CREG2: variants seen among roughly 807,000 people sequenced by gnomAD.
The protein encoded by CREG2 is cellular repressor of E1A stimulated genes 2, also known as protein CREG2.
CREG2 carries 24 observed loss-of-function variants against 26.2 expected under a neutral mutation model. The observed-to-expected ratio is 0.92, with a 90% CI of 0.66 to 1.29. CREG2 has a LOEUF of 1.29. Ranked by LOEUF, CREG2 falls within the 50% of genes most tolerant of loss-of-function variation. The pLI, the probability that CREG2 is intolerant of heterozygous loss-of-function variation, is 0.00. For synonymous variants in CREG2, 174 were observed against 169.2 expected, an observed-to-expected ratio of 1.03 and a Z score of -0.22; for missense variants, 366 against 398.6, an observed-to-expected ratio of 0.92 and a Z score of 0.70.
chr2:101,361,374 A>T (rs1040574459), intron 2 of CREG2, among the ~76,000 whole-genome samples: 4 of 152,144 alleles, frequency 2.6e-5, no homozygotes, highest in Non-Finnish European at 5.9e-5. Flanking sequence ...CTGATTTTGG[A>T]TGGGAAGATC....
At chr2:101,365,150 G>A (rs1455588990) in intron 2 of CREG2, among the ~76,000 whole-genome samples, 3 of 152,198 alleles carry the variant, frequency 2.0e-5, no homozygotes, top group South Asian at 4.1e-4. Context: ...AAAATGGTGA[G>A]GCCTGCAGCT....
chr2:101,350,739 A>C lies in CREG2; in HGVS notation c.*184T>G. On this transcript the variant is annotated 3_prime_UTR_variant, in exon 4 of 4. Transcript: ENST00000324768. Reference sequence around the variant, plus strand: ...GTATCTGTGTGAGTTGGAGATCTGCAAATGACCACTTTAATCTCAAATCTA... The same window carrying C: ...GTATCTGTGTGAGTTGGAGATCTGCCAATGACCACTTTAATCTCAAATCTA... The C allele has an allele frequency of 1.6e-6, 1 of 610,196 alleles. No homozygotes were observed. Among genetic ancestry groups the C allele is most frequent in the South Asian group, 2.2e-5 (1 of 46,024 alleles). 37.8% of individuals were successfully genotyped at this position (610,196 alleles called of 1,614,324 possible). A position where few individuals can be genotyped will look rare whatever the true frequency, so the allele number is the denominator to read the frequency against.
chr2:101,366,039 T>G (rs1684612311), intron 2 of CREG2, among the ~76,000 whole-genome samples: 2 of 152,242 alleles, frequency 1.3e-5, no homozygotes, highest in African/African-American at 2.4e-5. Context: ...TATTCCATCT[T>G]GTCTATGAGA....
chr2:101,376,597 G>A (rs567626148), intron 2 of CREG2, among the ~76,000 whole-genome samples: 1 of 152,058 alleles, frequency 6.6e-6, no homozygotes, highest in Non-Finnish European at 1.5e-5. Flanking sequence ...TAATCTTTGA[G>A]GAAAAAGGTT....
chr2:101,387,088 C>T lies in CREG2; in HGVS notation c.370G>A (p.Ala124Thr). The T allele has an allele frequency of 1.6e-6, 2 of 1,233,780 alleles. No individual in the cohort carries two copies. The highest frequency in any genetic ancestry group is 2.0e-6 in the Non-Finnish European group (2 of 989,626). 76.4% of individuals were successfully genotyped at this position (1,233,780 alleles called of 1,614,324 possible). A position where few individuals can be genotyped will look rare whatever the true frequency, so the allele number is the denominator to read the frequency against. The stretch of plus-strand genomic sequence containing the variant: ...TGGGCCAGGGAGCGGGCGGTGGCGG[C>T]GCGCAGTCTAGGGCCCGGGGGCGCA... ...ASAPPGPRLR[A>T]ATARSLAHAS... Residue 124 changes from alanine to threonine, a missense_variant, in exon 1 of 4, where the codon GCC (alanine) becomes ACC (threonine). Physicochemically the swap from Ala to Thr is moderately conservative, Grantham distance 58. This residue lies in a region of CREG2 where 15 missense variants were observed against 37.2 expected (regional missense o/e 0.40). Transcript: ENST00000324768. This position sits in a 1 kb window ranked among gnomAD's most constrained non-coding sequence, Gnocchi z 4.7.
rs760353225 is a variant in CREG2 at position 101,383,602 on chromosome 2, A to G, written c.542T>C (p.Val181Ala). ...GGGGTTCTTCATCAGATCAGCCACC[A>G]CGGGGTCCTTGGCTGTCATGTAGAA... Reference protein sequence around the residue: ...PFFYMTAKDPVVADLMKNPMA... With the variant: ...PFFYMTAKDPAVADLMKNPMA... Residue 181 changes from valine (V) to alanine (A), a missense_variant, in exon 2 of 4, where the codon GTG (valine) becomes GCG (alanine). Physicochemically the swap from Val to Ala is moderately conservative, Grantham distance 64. Coordinates refer to ENST00000324768, the MANE Select transcript of CREG2 (RefSeq NM_153836.4). 1 of 1,614,160 alleles carries G rather than the reference A, an allele frequency of 6.2e-7. No homozygotes were observed. The highest frequency in any genetic ancestry group is 8.5e-7 in the Non-Finnish European group (1 of 1,180,028).
rs971259356 is a variant in CREG2 at position 101,347,430 on chromosome 2, C to T, written c.*3493G>A. 1 of 152,140 alleles carries T rather than the reference C, an allele frequency of 6.6e-6. No homozygotes were observed. The allele number at this position is 152,140 out of a possible 1,614,324, so 9.4% of individuals were successfully genotyped here. On this transcript the variant is annotated 3_prime_UTR_variant, in exon 4 of 4. Transcript: ENST00000324768. ...GAGTGGCTGTTCCATTTTCTATTCC[C>T]ACCACTAGTGTATGACTGACCCGGT...
intron 1 of CREG2, among the ~76,000 whole-genome samples, chr2:101,385,722 A>G (rs1684959094): frequency 6.6e-6 from 1 of 152,256 alleles, no homozygotes; most frequent in Non-Finnish European, 1.5e-5. Context: ...TTGTTCATAT[A>G]TCCCATTTTT....
intron 2 of CREG2, 110 bp from the exon 3 acceptor site, chr2:101,355,476 T>C: frequency 1.5e-6 from 1 of 684,242 alleles, no homozygotes. Context: ...GGTTATATCA[T>C]TCAGGTTATG....
intron 2 of CREG2, 87 bp from the exon 3 acceptor site, chr2:101,355,453 T>C: frequency 1.3e-6 from 1 of 774,390 alleles, no homozygotes; most frequent in Non-Finnish European, 2.2e-6. Flanking sequence ...TTAAAAATAG[T>C]AGTCACATTC....
Position 101,348,206 on chromosome 2 carries a change from C to T in CREG2, c.*2717G>A, listed in dbSNP as rs542404921. The T allele has an allele frequency of 6.6e-6, 1 of 152,346 alleles. No homozygotes were observed. The highest frequency in any genetic ancestry group is 2.1e-4 in the South Asian group (1 of 4,832). The allele number at this position is 152,346 out of a possible 1,614,324, so 9.4% of individuals were successfully genotyped here. ...CCACACTTCTTGAATACTGTAGCTA[C>T]ATCATAACTCTATATTAAATAGAAT... On this transcript the variant is annotated 3_prime_UTR_variant, in exon 4 of 4. Transcript: ENST00000324768.
chr2:101,365,239 G>A (rs1455804477), intron 2 of CREG2, among the ~76,000 whole-genome samples: 1 of 152,120 alleles, frequency 6.6e-6, no homozygotes, highest in African/African-American at 2.4e-5. Flanking sequence ...TAGCCTTTCC[G>A]GCATCTGCAG....
chr2:101,354,147 G>A (rs1290182183), intron 3 of CREG2, among the ~76,000 whole-genome samples: 3 of 152,100 alleles, frequency 2.0e-5, no homozygotes, highest in African/African-American at 7.2e-5. Context: ...AATAGGAAAT[G>A]AACCTAATGA....
chr2:101,355,149 A>C lies in CREG2; in HGVS notation c.725+104T>G, dbSNP rs775225542. The C allele has an allele frequency of 6.2e-4, 461 of 745,988 alleles. 2 individuals carry two copies. The highest frequency in any genetic ancestry group is 8.9e-4 in the Non-Finnish European group (379 of 428,008). 46.2% of individuals were successfully genotyped at this position (745,988 alleles called of 1,614,324 possible). On this transcript the variant is annotated intron_variant, in intron 3 of 3. Coordinates refer to ENST00000324768, the MANE Select transcript of CREG2 (RefSeq NM_153836.4). The stretch of plus-strand genomic sequence containing the variant: ...CCCTATTCCCACCGAAGGGCAGTGG[A>C]GACCAATCACTTATTGCATCAGAGG...
At chr2:101,378,557 G>A (rs981815009) in intron 2 of CREG2, among the ~76,000 whole-genome samples, 1 of 152,140 alleles carries the variant, frequency 6.6e-6, no homozygotes, top group African/African-American at 2.4e-5. Flanking sequence ...TATATCAGCC[G>A]TGATGGCTGT....
At chr2:101,366,972 C>T (rs1684626908) in intron 2 of CREG2, among the ~76,000 whole-genome samples, 1 of 152,060 alleles carries the variant, frequency 6.6e-6, no homozygotes, top group Non-Finnish European at 1.5e-5. Flanking sequence ...TGCATAATAT[C>T]CCATTTTATA....
At chr2:101,358,802 G>A (rs1322643198) in intron 2 of CREG2, among the ~76,000 whole-genome samples, 1 of 19,578 alleles carries the variant, frequency 5.1e-5, no homozygotes, top group African/African-American at 7.6e-5. Flanking sequence ...TTGGGAGGCC[G>A]AGGCGGGCGG....
chr2:101,382,374 C>T (rs777508902), intron 2 of CREG2: 21 of 510,650 alleles, frequency 4.1e-5, no homozygotes, highest in Non-Finnish European at 5.3e-5. Context: ...TGCAGTGAAC[C>T]GAGATTGCGC....
At chr2:101,378,744 A>G (rs112471948) in intron 2 of CREG2, among the ~76,000 whole-genome samples, 2 of 152,114 alleles carry the variant, frequency 1.3e-5, no homozygotes, top group African/African-American at 4.8e-5. Flanking sequence ...AGAAATCGCC[A>G]ACCTAGCTGG....
Sources: allele counts gnomAD v4.1 joint callset (sites outside exome capture counted in the v4.1 genomes callset), GRCh38; gene constraint gnomAD v4.1.1; regional missense constraint gnomAD v4.1.1; non-coding constraint Gnocchi (gnomAD v3.1); transcripts MANE v1.5; gene names NCBI Gene and HGNC (gene_info 2026-07-23, HGNC 2026-07-21).